Variants in SNAP47 observed in about 807,000 individuals in gnomAD.
SNAP47 encodes the protein synaptosomal-associated protein 47.
SNAP47 carries 20 observed loss-of-function variants against 31.4 expected under a neutral mutation model. That is an observed-to-expected ratio of 0.64 (90% CI 0.45 to 0.93). The LOEUF (loss-of-function observed/expected upper bound fraction) is 0.93, where lower values mean the gene tolerates loss of function less well. SNAP47 is among the 40% of genes least tolerant of loss of function. SNAP47 has a pLI of 0.00. For synonymous variants in SNAP47, 194 were observed against 213.4 expected (o/e 0.91, Z 0.79); for missense variants, 492 against 528.5 (o/e 0.93, Z 0.68).
rs117528641 is a variant in SNAP47 at position 227,756,052 on chromosome 1, A to C, written c.498-2943A>C. Among the ~76,000 whole-genome samples the C allele has an allele frequency of 4.5e-3, 691 of 152,318 alleles. 17 individuals are homozygous for C. The South Asian group carries it at 0.055, about 12-fold the overall frequency. Reference sequence around the variant, plus strand: ...GATTGATGTCTTATGTCCCACTAAAACATATAAACCCAAGCTGTAACCCAA... The same window carrying C: ...GATTGATGTCTTATGTCCCACTAAACCATATAAACCCAAGCTGTAACCCAA... On this transcript the variant is annotated intron_variant, in intron 2 of 4. Coordinates refer to ENST00000617596, the MANE Select transcript of SNAP47 (RefSeq NM_053052.4).
chr1:227,753,501 G>A (rs989131028), intron 2 of SNAP47, among the ~76,000 whole-genome samples: 1 of 152,126 alleles, frequency 6.6e-6, no homozygotes, highest in African/African-American at 2.4e-5. Flanking sequence ...GCCATGGCAT[G>A]GGATCCACTG....
intron 4 of SNAP47, chr1:227,775,802 T>C (rs1233640897): frequency 4.6e-6 from 6 of 1,304,090 alleles, no homozygotes; most frequent in Non-Finnish European, 6.1e-6. Context: ...TTCCGGCCTA[T>C]GTCGCTGTCA....
At chr1:227,740,836 G>A (rs1661538108) in intron 1 of SNAP47, among the ~76,000 whole-genome samples, 1 of 152,134 alleles carries the variant, frequency 6.6e-6, no homozygotes, top group Non-Finnish European at 1.5e-5. Context: ...CTGCTACACT[G>A]GGGTGCCCAT....
Position 227,735,484 on chromosome 1 carries a change from G to C in SNAP47, c.-61G>C, listed in dbSNP as rs1661061116. The C allele has an allele frequency of 8.5e-6, 12 of 1,419,944 alleles. No individual in the cohort carries two copies. The highest frequency in any genetic ancestry group is 2.0e-4 in the Middle Eastern group (1 of 5,106). 88.0% of individuals were successfully genotyped at this position (1,419,944 alleles called of 1,614,324 possible). Reference sequence around the variant, plus strand: ...GGCGCCGCGGTCGGCTCTGGGACTCGTCTGGCGTCCCTCAGGTGAGCGACG... The same window carrying C: ...GGCGCCGCGGTCGGCTCTGGGACTCCTCTGGCGTCCCTCAGGTGAGCGACG... On this transcript the variant is annotated 5_prime_UTR_variant, in exon 1 of 5. Transcript: ENST00000617596.
At chr1:227,747,015 T>C (rs563704315) in intron 1 of SNAP47, 1 of 152,248 alleles carries the variant, frequency 6.6e-6, no homozygotes, top group Non-Finnish European at 1.5e-5. Flanking sequence ...CTGATAAATG[T>C]AGATGTGAAA....
chr1:227,740,058 G>A (rs1180543278), intron 1 of SNAP47, among the ~76,000 whole-genome samples: 4 of 152,248 alleles, frequency 2.6e-5, no homozygotes, highest in Non-Finnish European at 4.4e-5. Context: ...CGGGCCTTGC[G>A]GCCCTCCCAT....
At position 227,777,064 on chromosome 1, in the gene SNAP47, TG is replaced by T. The variant is rs1219965040; in HGVS notation, c.1114-3462del. 8.1e-6 allele frequency: 8 copies of T among 981,992 alleles called. No homozygotes were observed. In the Admixed American group the frequency reaches 4.9e-4, roughly 60 times the overall value. 60.8% of individuals were successfully genotyped at this position (981,992 alleles called of 1,614,324 possible). On this transcript the variant is annotated intron_variant, in intron 4 of 4. Coordinates refer to ENST00000617596, the MANE Select transcript of SNAP47 (RefSeq NM_053052.4). Reference sequence around the variant, plus strand: ...CTATAGAAATTTTTGCTATTCCCACTGCTTTCTTATGCACTAGAAAAAGGCA... The same window carrying T: ...CTATAGAAATTTTTGCTATTCCCACTCTTTCTTATGCACTAGAAAAAGGCA...
chr1:227,743,470 C>T (rs1661753567), intron 1 of SNAP47, among the ~76,000 whole-genome samples: 1 of 152,240 alleles, frequency 6.6e-6, no homozygotes, highest in African/African-American at 2.4e-5. Flanking sequence ...CCCGCCTCTC[C>T]TCTGTGACTG....
intron 4 of SNAP47, among the ~76,000 whole-genome samples, chr1:227,779,999 G>A (rs1664371589): frequency 6.6e-6 from 1 of 152,180 alleles, no homozygotes; most frequent in South Asian, 2.1e-4. Flanking sequence ...CATTGTGCAT[G>A]AAACATCTCA....
In SNAP47 at chr1:227,776,957, C is replaced by T. The variant is rs529393673; in HGVS notation, c.1114-3570C>T. On this transcript the variant is annotated intron_variant, in intron 4 of 4. Transcript: ENST00000617596. Reference sequence around the variant, plus strand: ...TGTCTGTGTACACAATAAAATATTCCGCTTCTATAGGCAGATCAGCTGGTC... The same window carrying T: ...TGTCTGTGTACACAATAAAATATTCTGCTTCTATAGGCAGATCAGCTGGTC... 1.5e-4 allele frequency: 144 copies of T among 985,256 alleles called. No homozygotes were observed. In the Middle Eastern group the frequency reaches 3.7e-3, roughly 25 times the overall value. The allele number at this position is 985,256 out of a possible 1,614,324, so 61.0% of individuals were successfully genotyped here.
Position 227,759,009 on chromosome 1 carries a change from T to C in SNAP47, c.512T>C (p.Leu171Pro), listed in dbSNP as rs1662867246. ...TGCTTTTTCAGATTGCTGACAGAAC[T>C]GGAATCTCCTGCTTGGTGGCCCTTT... is the stretch of plus-strand genomic sequence containing the variant. The part of the protein sequence containing the change: ...LEVADRLLTE[L>P]ESPAWWPFSS... The change falls in exon 3 of 5, where the codon CTG becomes CCG. Residue 171 changes from leucine (L) to proline (P), a missense_variant. Transcript: ENST00000617596. 6.3e-7 allele frequency: 1 copy of C among 1,591,918 alleles called. No homozygotes were observed. The highest frequency in any genetic ancestry group is 2.2e-5 in the East Asian group (1 of 44,630).
upstream of SNAP47, chr1:227,730,885 T>C (rs915723005): frequency 2.6e-5 from 4 of 152,290 alleles, no homozygotes; most frequent in African/African-American, 7.2e-5. Flanking sequence ...CCGAGGCACA[T>C]ACCCCCACTC....
chr1:227,733,983 C>T (rs763914988), upstream of SNAP47: 1 of 1,613,934 alleles, frequency 6.2e-7, no homozygotes, highest in Non-Finnish European at 8.5e-7. Flanking sequence ...TTCAGCCAGT[C>T]GGACGAGAAG....
At chr1:227,775,022 C>T (rs1013507023) in intron 4 of SNAP47, among the ~76,000 whole-genome samples, 3 of 152,338 alleles carry the variant, frequency 2.0e-5, no homozygotes, top group East Asian at 3.9e-4. Flanking sequence ...GCAGCGAGGC[C>T]GCCGTGCTCA....
chr1:227,759,483 C>G lies in SNAP47; in HGVS notation c.986C>G (p.Ala329Gly), dbSNP rs768765283. ...PAEKSCSVWH[A>G]ASGLMGRTLH... The stretch of plus-strand genomic sequence containing the variant: ...GAGAAGAGCTGCTCAGTCTGGCATG[C>G]AGGTTAGTGACCGACAAGGCAGTGA... The change falls in exon 3 of 5, where the codon GCA becomes GGA. Residue 329 changes from alanine to glycine, a missense_variant and splice_region_variant. Physicochemically the swap from Ala to Gly is moderately conservative, Grantham distance 60. Coordinates refer to ENST00000617596, the MANE Select transcript of SNAP47 (RefSeq NM_053052.4). 1.2e-6 allele frequency: 2 copies of G among 1,613,206 alleles called. No individual in the cohort carries two copies. The highest frequency in any genetic ancestry group is 2.2e-5 in the South Asian group (2 of 91,040).
rs889819720 is a variant in SNAP47 at position 227,738,529 on chromosome 1, A to G, written c.-46+3030A>G. Among the ~76,000 whole-genome samples, 12 of 152,334 alleles carry G rather than the reference A, an allele frequency of 7.9e-5. No individual in the cohort carries two copies. In the South Asian group the frequency reaches 1.9e-3, roughly 24 times the overall value. On this transcript the variant is annotated intron_variant, in intron 1 of 4. Coordinates refer to ENST00000617596, the MANE Select transcript of SNAP47 (RefSeq NM_053052.4). ...TCTTTCTCCATCGTGTATAATATAC[A>G]TATATAAACTTTTGCTGCTTTTAGT...
intron 4 of SNAP47, among the ~76,000 whole-genome samples, 175 bp downstream of exon 4, chr1:227,767,258 G>A (rs1663473911): frequency 6.6e-6 from 1 of 152,230 alleles, no homozygotes; most frequent in South Asian, 2.1e-4. Context: ...GAAGGGCAGT[G>A]TCCGTCCCAG....
chr1:227,743,758 G>A (rs763788726), intron 1 of SNAP47: 3 of 152,236 alleles, frequency 2.0e-5, no homozygotes, highest in Non-Finnish European at 4.4e-5. Flanking sequence ...TGCTTTCTTG[G>A]AGTTGGGAGA....
At chr1:227,733,830 C>A, upstream of SNAP47, 3 of 1,596,886 alleles carry the variant, frequency 1.9e-6, no homozygotes, top group Non-Finnish European at 2.6e-6. Flanking sequence ...AGCAGCCCCC[C>A]TCCTGCCACC....
Sources: gnomAD v4.1 joint callset for allele counts (sites outside exome capture counted in the v4.1 genomes callset) on GRCh38, gnomAD v4.1.1 for gene constraint, MANE v1.5 for transcripts, NCBI Gene and HGNC (gene_info 2026-07-23, HGNC 2026-07-21) for gene names.